Variants in ZW10 observed in about 807,000 individuals in gnomAD.
ZW10 encodes the protein centromere/kinetochore protein zw10 homolog.
In ZW10, 53 loss-of-function variants were observed where a neutral mutation model predicts 87.8. The ratio of observed to expected loss-of-function variants is 0.60; its 90% CI spans 0.48 to 0.76. The LOEUF is 0.76. Ranked by LOEUF, ZW10 falls within the 30% of genes least tolerant of loss-of-function variation. The pLI is 0.00. For synonymous variants in ZW10, 312 were observed against 329.2 expected (o/e 0.95, Z 0.57); for missense variants, 837 against 923.0 (o/e 0.91, Z 1.21).
chr11:113,762,948 AC>A (rs1953876991), intron 2 of ZW10, among the ~76,000 whole-genome samples: 1 of 152,190 alleles, frequency 6.6e-6, no homozygotes, highest in African/African-American at 2.4e-5. Flanking sequence ...CAGGTTTGTT[AC>A]ACAGGTATAC....
chr11:113,757,073 G>T (rs1349281503), intron 7 of ZW10, among the ~76,000 whole-genome samples: 1 of 150,334 alleles, frequency 6.7e-6, no homozygotes, highest in African/African-American at 2.4e-5. Flanking sequence ...TATGACAGCT[G>T]AGAAAAGCAC....
chr11:113,757,457 C>T (rs995577627), intron 7 of ZW10, among the ~76,000 whole-genome samples: 4 of 152,146 alleles, frequency 2.6e-5, no homozygotes, highest in African/African-American at 9.7e-5. Flanking sequence ...CCACTGATGG[C>T]CCTACTTGTC....
intron 2 of ZW10, among the ~76,000 whole-genome samples, chr11:113,762,064 G>A (rs971018994): frequency 3.3e-5 from 5 of 152,162 alleles, no homozygotes; most frequent in African/African-American, 1.2e-4. Flanking sequence ...TAACAATGGG[G>A]ACGCATTCTA....
chr11:113,773,281 C>T (rs1299365014), intron 1 of ZW10, among the ~76,000 whole-genome samples: 1 of 151,952 alleles, frequency 6.6e-6, no homozygotes, highest in African/African-American at 2.4e-5. Flanking sequence ...CTCCACTCTC[C>T]AGTGCTCTCC....
rs781249483 is a variant in ZW10, at chr11:113,747,623, T to A, written c.1180A>T (p.Asn394Tyr). ...TTGTTTGCAAAATGAGAATTGATGTTACGAGCGTATTTCAGCAAATCTGTA... is the reference window on the plus strand; with the variant it reads ...TTGTTTGCAAAATGAGAATTGATGTAACGAGCGTATTTCAGCAAATCTGTA... ...DTTDLLKYAR[N>Y]INSHFANKKC... Residue 394 changes from asparagine (N) to tyrosine (Y), a missense_variant, in exon 9 of 16, where the codon AAC becomes TAC. Physicochemically the swap from Asn to Tyr is moderately radical, Grantham distance 143. Coordinates refer to ENST00000200135, the MANE Select transcript of ZW10 (RefSeq NM_004724.4). 7 of 1,613,756 alleles carry A rather than the reference T, an allele frequency of 4.3e-6. No homozygotes were observed. In the African/African-American group the frequency reaches 9.3e-5, roughly 22 times the overall value.
chr11:113,738,288 A>G lies in ZW10; in HGVS notation c.1860T>C (p.Ser620=). Residue 620 remains serine (S), a synonymous_variant, in exon 13 of 16, where the codon TCT becomes TCC. Transcript: ENST00000200135. ...FSNMDDEENY[S]AASKAVRQVL... ...CCTGCCGGACTGCTTTACTTGCTGC[A>G]GAATAATTCTCTTCATCGTCCATAT... 6.2e-7 allele frequency: 1 copy of G among 1,611,744 alleles called. No homozygotes were observed. The highest frequency in any genetic ancestry group is 1.1e-5 in the South Asian group (1 of 90,552).
At chr11:113,742,080 T>C (rs1293070663) in intron 10 of ZW10, among the ~76,000 whole-genome samples, 2 of 152,228 alleles carry the variant, frequency 1.3e-5, no homozygotes, top group African/African-American at 2.4e-5. Context: ...CAGTAACAAA[T>C]GGAGCTAAGC....
chr11:113,736,426 G>A (rs1413900819), intron 15 of ZW10, among the ~76,000 whole-genome samples, 194 bp downstream of exon 15: 4 of 152,200 alleles, frequency 2.6e-5, no homozygotes, highest in Non-Finnish European at 5.9e-5. Flanking sequence ...AAGTCTTTAT[G>A]CTATCAAATA....
intron 7 of ZW10, among the ~76,000 whole-genome samples, chr11:113,749,206 G>A (rs182384718): frequency 4.0e-5 from 6 of 151,598 alleles, no homozygotes; most frequent in East Asian, 1.9e-4. Context: ...ACACACACAC[G>A]CCTTAGAAGA....
intron 7 of ZW10, among the ~76,000 whole-genome samples, chr11:113,753,140 T>C (rs1330505349): frequency 6.6e-6 from 1 of 152,140 alleles, no homozygotes; most frequent in Non-Finnish European, 1.5e-5. Flanking sequence ...TTAGGCCTAG[T>C]ACCCATTAGT....
At chr11:113,740,631 G>A (rs796870950) in intron 11 of ZW10, among the ~76,000 whole-genome samples, 12 of 152,266 alleles carry the variant, frequency 7.9e-5, no homozygotes, top group African/African-American at 2.4e-4. Flanking sequence ...GAAATGAAAC[G>A]ATATAAAAAT....
At chr11:113,740,516 C>G (rs1463550443) in intron 11 of ZW10, among the ~76,000 whole-genome samples, 1 of 151,992 alleles carries the variant, frequency 6.6e-6, no homozygotes, top group African/African-American at 2.4e-5. Context: ...CCCAGTAGGT[C>G]GAGGCTGCAA....
chr11:113,744,177 G>C, intron 9 of ZW10, 137 bp from the exon 10 acceptor site: 1 of 663,330 alleles, frequency 1.5e-6, no homozygotes, highest in South Asian at 1.9e-5. Context: ...CACGAGGTCA[G>C]GAGATCGAGA....
rs1953557841 is a variant in ZW10 at position 113,736,757 on chromosome 11, G to A, written c.2082C>T (p.Pro694=). 3 of 1,614,048 alleles carry A rather than the reference G, an allele frequency of 1.9e-6. No homozygotes were observed. Among genetic ancestry groups the A allele is most frequent in the Non-Finnish European group, 2.5e-6 (3 of 1,180,008 alleles). ...SLCKTVMDEG[P]QVFAPLSEES... is the part of the protein sequence containing the mutation. Reference sequence around the variant, plus strand: ...CTTCAGATAAAGGTGCAAATACTTGGGGTCCTTCATCCATCACTGTTTTGC... The same window carrying A: ...CTTCAGATAAAGGTGCAAATACTTGAGGTCCTTCATCCATCACTGTTTTGC... Residue 694 remains proline, a synonymous_variant, in exon 15 of 16, where the codon CCC becomes CCT. Coordinates refer to ENST00000200135, the MANE Select transcript of ZW10 (RefSeq NM_004724.4).
intron 4 of ZW10, 31 bp downstream of exon 4, chr11:113,760,482 T>C: frequency 1.2e-6 from 2 of 1,606,424 alleles, no homozygotes; most frequent in Admixed American, 1.7e-5. Context: ...AGAGCACTTA[T>C]TGCGCATGCT....
rs1046325639 is a variant in ZW10, at chr11:113,739,275, G to A, written c.1691C>T (p.Ala564Val). The A allele has an allele frequency of 1.9e-6, 3 of 1,613,950 alleles. No homozygotes were observed. The highest frequency in any genetic ancestry group is 2.5e-6 in the Non-Finnish European group (3 of 1,179,942). The change falls in exon 12 of 16, where the codon GCC (alanine) becomes GTC (valine). Residue 564 changes from alanine (A) to valine (V), a missense_variant. Coordinates refer to ENST00000200135, the MANE Select transcript of ZW10 (RefSeq NM_004724.4). ...AGCAGTGCCATCACAAAGAATGGGG[G>A]CAAGACGCAATCTGAACTGATGCCC... The part of the protein sequence containing the change: ...TLGHQFRLRL[A>V]PILCDGTATF...
At chr11:113,740,180 G>A (rs1047871069) in intron 11 of ZW10, among the ~76,000 whole-genome samples, 1 of 130,260 alleles carries the variant, frequency 7.7e-6, no homozygotes, top group Non-Finnish European at 1.7e-5. Context: ...ATCACCTGTG[G>A]GGCTTAAAAA....
At chr11:113,743,473 G>C (rs1162121398) in intron 10 of ZW10, among the ~76,000 whole-genome samples, 2 of 152,142 alleles carry the variant, frequency 1.3e-5, no homozygotes, top group African/African-American at 4.8e-5. Context: ...CAAATAAAAA[G>C]TAAAAATTCA....
In ZW10 at chr11:113,736,797, C is replaced by T. The variant is rs780178151; in HGVS notation, c.2042G>A (p.Arg681Lys). The T allele has an allele frequency of 3.1e-6, 5 of 1,614,086 alleles. No individual in the cohort carries two copies. Among genetic ancestry groups the T allele is most frequent in the Non-Finnish European group, 4.2e-6 (5 of 1,179,992 alleles). ...CACTGTTTTGCATAAGGAATATAAC[C>T]TATCACCATCTTCAGTAGATATGTC... ...LEDISTEDGDRLYSLCKTVMD... is the reference protein window; with the variant it reads ...LEDISTEDGDKLYSLCKTVMD... Residue 681 changes from arginine (R) to lysine (K), a missense_variant, in exon 15 of 16, where the codon AGG (arginine) becomes AAG (lysine). Physicochemically the swap from Arg to Lys is conservative, Grantham distance 26. Coordinates refer to ENST00000200135, the MANE Select transcript of ZW10 (RefSeq NM_004724.4).
Sources: gnomAD v4.1 joint callset for allele counts (sites outside exome capture counted in the v4.1 genomes callset) on GRCh38, gnomAD v4.1.1 for gene constraint, MANE v1.5 for transcripts, NCBI Gene and HGNC (gene_info 2026-07-23, HGNC 2026-07-21) for gene names.